Variants in ZP3 observed in about 807,000 individuals in gnomAD.
ZP3 encodes zona pellucida glycoprotein 3.
In ZP3, 21 loss-of-function variants were observed where a neutral mutation model predicts 35.6. The observed-to-expected ratio is 0.59, with a 90% confidence interval of 0.42 to 0.85. The LOEUF is 0.85. Among genes scored for constraint, ZP3 ranks in the 40% least tolerant of loss-of-function variants. The pLI, the probability that ZP3 is intolerant of heterozygous loss-of-function variation, is 0.00. For synonymous variants in ZP3, 207 were observed against 214.5 expected (o/e 0.96, Z 0.31); for missense variants, 437 against 536.5 (o/e 0.81, Z 1.83).
At chr7:76,432,885 G>A (rs1397730884) in intron 2 of ZP3, 42 bp from the exon 3 acceptor site, 2 of 1,560,586 alleles carry the variant, frequency 1.3e-6, no homozygotes, top group South Asian at 1.1e-5. Flanking sequence ...CCAGGTGGGT[G>A]TGACCTGAGG....
At chr7:76,425,916 C>T (rs1805636449) in intron 1 of ZP3, among the ~76,000 whole-genome samples, 1 of 151,888 alleles carries the variant, frequency 6.6e-6, no homozygotes, top group African/African-American at 2.4e-5. Context: ...AACCCCATCT[C>T]TACTAATAAT....
rs368564987 is a variant in ZP3 at position 76,429,564 on chromosome 7, G to A, written c.362G>A (p.Arg121His). Residue 121 changes from arginine (R) to histidine (H), a missense_variant, in exon 2 of 8, where the codon CGC becomes CAC. Physicochemically the swap from Arg to His is conservative, Grantham distance 29 (BLOSUM62 0). This residue lies in a region of ZP3 where 352 missense variants were observed against 308.4 expected (regional missense o/e 1.14). Coordinates refer to ENST00000394857, the MANE Select transcript of ZP3 (RefSeq NM_001110354.2). ...VYSTFLLHDP[R>H]PVGNLSIVRT... ...AGCACCTTCCTGCTCCATGACCCCCGCCCCGTGGGAAACCTGTCCATCGTG... is the reference window on the plus strand; with the variant it reads ...AGCACCTTCCTGCTCCATGACCCCCACCCCGTGGGAAACCTGTCCATCGTG... 1.2e-5 allele frequency: 19 copies of A among 1,613,842 alleles called. No homozygotes were observed. Among genetic ancestry groups the A allele is most frequent in the South Asian group, 7.7e-5 (7 of 91,072 alleles).
At chr7:76,411,375 TG>T (rs1805239168) in intron 1 of ZP3, among the ~76,000 whole-genome samples, 1 of 152,134 alleles carries the variant, frequency 6.6e-6, no homozygotes, top group African/African-American at 2.4e-5. Context: ...AAGACCAGCC[TG>T]GGCAACATAG....
intron 2 of ZP3, among the ~76,000 whole-genome samples, chr7:76,431,597 T>C (rs1355164033): frequency 6.6e-6 from 1 of 152,146 alleles, no homozygotes; most frequent in African/African-American, 2.4e-5. Context: ...GGCCTGTCTT[T>C]GATCTCTAAA....
chr7:76,429,686 C>T, intron 2 of ZP3, 53 bp downstream of exon 2: 4 of 1,522,116 alleles, frequency 2.6e-6, no homozygotes, highest in Non-Finnish European at 3.6e-6. Context: ...TTGGGTGTGG[C>T]TGCAGGCAAG....
At chr7:76,437,350 ATATT>A (rs1481966407) in intron 5 of ZP3, among the ~76,000 whole-genome samples, 2 of 152,090 alleles carry the variant, frequency 1.3e-5, no homozygotes, top group Admixed American at 1.3e-4. Flanking sequence ...TAATTTTTGA[ATATT>A]TAGTAGAGAT....
At chr7:76,429,727 T>C in intron 2 of ZP3, 94 bp downstream of exon 2, 10 of 1,057,772 alleles carry the variant, frequency 9.5e-6, no homozygotes, top group Middle Eastern at 2.3e-4. Flanking sequence ...GCTTGCAGCA[T>C]GGCTATTAGA....
In ZP3 at chr7:76,400,298, C is replaced by T. The variant is rs751027721; in HGVS notation, c.-67+2501C>T. On this transcript the variant is annotated intron_variant, in intron 1 of 8. Transcript: ENST00000336517. ...GGGCTCCACTCACCATCACACAGGA[C>T]AGCCACATCCTCGTAGTGAAAGCAA... 6 of 1,492,576 alleles carry T rather than the reference C, an allele frequency of 4.0e-6. 1 individual carries two copies. In the South Asian group the frequency reaches 6.8e-5, roughly 17 times the overall value. The allele number at this position is 1,492,576 out of a possible 1,614,324, so 92.5% of individuals were successfully genotyped here. A position where few individuals can be genotyped will look rare whatever the true frequency, so the allele number is the denominator to read the frequency against.
chr7:76,416,767 C>A (rs1303939267), intron 1 of ZP3, among the ~76,000 whole-genome samples: 2 of 151,662 alleles, frequency 1.3e-5, no homozygotes, highest in Non-Finnish European at 2.9e-5. Flanking sequence ...CCATTGCACT[C>A]CAGCCTGGGA....
In ZP3 at chr7:76,425,193, G is replaced by A. The variant is rs769581162; in HGVS notation, c.229G>A (p.Ala77Thr). The A allele has an allele frequency of 1.9e-6, 3 of 1,614,006 alleles. No homozygotes were observed. The highest frequency in any genetic ancestry group is 1.1e-5 in the South Asian group (1 of 91,090). ...RAADLTLGPE[A>T]CEPLVSMDTE... ...TGCTGACCTCACCTTGGGCCCAGAGGCCTGTGAGCCTCTGGTCTCCATGGA... is the reference window on the plus strand; with the variant it reads ...TGCTGACCTCACCTTGGGCCCAGAGACCTGTGAGCCTCTGGTCTCCATGGA... Residue 77 changes from alanine (A) to threonine (T), a missense_variant, in exon 1 of 8, where the codon GCC (alanine) becomes ACC (threonine). Ala to Thr is a moderately conservative substitution (Grantham distance 58). Coordinates refer to ENST00000394857, the MANE Select transcript of ZP3 (RefSeq NM_001110354.2).
At chr7:76,417,338 C>A (rs1311249620) in intron 1 of ZP3, among the ~76,000 whole-genome samples, 1 of 152,042 alleles carries the variant, frequency 6.6e-6, no homozygotes, top group Non-Finnish European at 1.5e-5. Context: ...GGATTACAGG[C>A]GTGAGCCACC....
chr7:76,437,171 C>CTT (rs869115807), intron 5 of ZP3, among the ~76,000 whole-genome samples: 5,622 of 78,892 alleles, frequency 0.071, 382 homozygotes, highest in African/African-American at 0.14. Context: ...ACCCTGTGTA[C>CTT]TTTTTTTTTT....
At chr7:76,414,697 T>TC (rs1805326994) in intron 1 of ZP3, among the ~76,000 whole-genome samples, 1 of 3,608 alleles carries the variant, frequency 2.8e-4, no homozygotes, top group Non-Finnish European at 4.6e-4. Context: ...CTCCTCCTCC[T>TC]TTTTTTTTTT....
chr7:76,423,029 A>AGAGAGAGAGAGAG (rs767704641), upstream of ZP3, among the ~76,000 whole-genome samples: 227 of 55,410 alleles, frequency 4.1e-3, 7 homozygotes, highest in Middle Eastern at 7.5e-3. Flanking sequence ...GAGAGAGAGA[A>AGAGAGAGAGAGAG]AGAAAGAAAG....
chr7:76,424,927 G>C, upstream of ZP3: 6 of 1,484,890 alleles, frequency 4.0e-6, no homozygotes, highest in Non-Finnish European at 5.4e-6. Flanking sequence ...ACGGGTATAA[G>C]ATGGCCAGAG....
rs139031646 is a variant in ZP3, at chr7:76,399,426, T to C, written c.-67+1629T>C. On this transcript the variant is annotated intron_variant, in intron 1 of 8. Coordinates refer to the ZP3 transcript ENST00000336517. Reference sequence around the variant, plus strand: ...AACTCTGGGATTGGGCCTCAATCTGTGTTTTCATGAGACCCCCTGATTTTC... The same window carrying C: ...AACTCTGGGATTGGGCCTCAATCTGCGTTTTCATGAGACCCCCTGATTTTC... Among the ~76,000 whole-genome samples the C allele has an allele frequency of 4.5e-3, 689 of 152,288 alleles. 8 individuals are homozygous for C. The highest frequency in any genetic ancestry group is 0.016 in the African/African-American group (657 of 41,560).
At chr7:76,427,255 G>A (rs1389899882) in intron 1 of ZP3, among the ~76,000 whole-genome samples, 2 of 152,144 alleles carry the variant, frequency 1.3e-5, no homozygotes, top group East Asian at 1.9e-4. Context: ...AGTGGCTCAC[G>A]CCTGTAATCC....
At chr7:76,440,108 A>G in intron 5 of ZP3, 142 bp from the exon 6 acceptor site, 4 of 1,449,984 alleles carry the variant, frequency 2.8e-6, no homozygotes, top group Non-Finnish European at 3.7e-6. Context: ...TGGGCTCCCA[A>G]AGTGCTGGGA....
intron 5 of ZP3, among the ~76,000 whole-genome samples, chr7:76,436,055 TTTTTTTTTTTTTTTTTTTTTGA>T: frequency 1.4e-5 from 1 of 71,450 alleles, no homozygotes; most frequent in East Asian, 3.1e-4. Flanking sequence ...TTTTTTTTTT[TTTTTTTTTTTTTTTTTTTTTGA>T]GAGGGTCTCT....
Sources: allele counts gnomAD v4.1 joint callset (sites outside exome capture counted in the v4.1 genomes callset), GRCh38; gene constraint gnomAD v4.1.1; regional missense constraint gnomAD v4.1.1; transcripts MANE v1.5; gene names NCBI Gene and HGNC (gene_info 2026-07-23, HGNC 2026-07-21).